The following ZEB1 variants were observed in gnomAD, a reference collection of about 807,000 sequenced individuals.
The protein encoded by ZEB1 is zinc finger E-box-binding homeobox 1.
A neutral mutation model predicts 84.9 loss-of-function variants in ZEB1; 21 were observed. That is an observed-to-expected ratio of 0.25 (90% CI 0.18 to 0.36). The LOEUF is 0.36. Among genes scored for constraint, ZEB1 ranks in the 10% least tolerant of loss-of-function variants. ZEB1 has a pLI of 1.00. For missense variants in ZEB1, 1,104 were observed against 1,330.2 expected, an observed-to-expected ratio of 0.83 and a Z score of 2.65; for synonymous variants, 420 against 471.1, an observed-to-expected ratio of 0.89 and a Z score of 1.41.
At position 31,341,262 on chromosome 10, in the gene ZEB1, CACTT is replaced by C. The variant is rs575884734; in HGVS notation, c.58+21972_58+21975del. 3.5e-3 allele frequency among the ~76,000 whole-genome samples: 533 copies of C among 152,142 alleles called. 3 individuals carry two copies. Among genetic ancestry groups the C allele is most frequent in the African/African-American group, 0.012 (504 of 41,486 alleles). On this transcript the variant is annotated intron_variant, in intron 1 of 8. Coordinates refer to ENST00000424869, the MANE Select transcript of ZEB1 (RefSeq NM_001174096.2). ...AAGAGGTGACGAGGGCTTAAACTGA[CACTT>C]AATAGAAATGGAGAAGAGGGAGTAG... is the stretch of plus-strand genomic sequence containing the variant.
chr10:31,321,747 C>T (rs2034136232), intron 1 of ZEB1: 2 of 636,460 alleles, frequency 3.1e-6, no homozygotes, highest in Admixed American at 5.5e-5. Context: ...ACTCGTAAGG[C>T]ATATCAACAG....
At chr10:31,382,049 C>A (rs1432211825) in intron 1 of ZEB1, among the ~76,000 whole-genome samples, 2 of 148,602 alleles carry the variant, frequency 1.3e-5, no homozygotes, top group African/African-American at 2.5e-5. Context: ...GTAAATTTCC[C>A]TTGAAGCCCG....
chr10:31,476,527 C>T (rs2064216627), intron 2 of ZEB1, among the ~76,000 whole-genome samples: 1 of 151,944 alleles, frequency 6.6e-6, no homozygotes, highest in Non-Finnish European at 1.5e-5. Context: ...ACAGTTTTGC[C>T]TTATCTACAA....
chr10:31,445,623 G>A (rs557114000), intron 1 of ZEB1, among the ~76,000 whole-genome samples: 1 of 151,974 alleles, frequency 6.6e-6, no homozygotes, highest in African/African-American at 2.4e-5. Flanking sequence ...TTTTTAGCAT[G>A]AAGTGTTGTT....
intron 1 of ZEB1, among the ~76,000 whole-genome samples, chr10:31,435,659 G>A (rs866025432): frequency 5.9e-5 from 9 of 152,200 alleles, no homozygotes; most frequent in Middle Eastern, 6.8e-3. Context: ...AGTAGAGAAG[G>A]CTTGCCATTT....
rs75715952 is a variant in ZEB1, at chr10:31,514,471, C to G, written c.688-132C>G. 5,173 of 725,344 alleles carry G rather than the reference C, an allele frequency of 7.1e-3. 185 individuals carry two copies. The African/African-American group carries it at 0.079, about 11-fold the overall frequency. 44.9% of individuals were successfully genotyped at this position (725,344 alleles called of 1,614,324 possible). ...AAGAGTTAGATTTTTGTGACTGCTG[C>G]AATTTGAGGTCTTTAAGAAACAAAA... On this transcript the variant is annotated intron_variant, in intron 5 of 8. Coordinates refer to ENST00000424869, the MANE Select transcript of ZEB1 (RefSeq NM_001174096.2).
chr10:31,423,670 G>A (rs947730197), intron 1 of ZEB1, among the ~76,000 whole-genome samples: 14 of 152,092 alleles, frequency 9.2e-5, no homozygotes, highest in East Asian at 3.9e-4. Context: ...ATCTATAAGC[G>A]GCTAGTTGTA....
intron 1 of ZEB1, among the ~76,000 whole-genome samples, chr10:31,454,228 C>G (rs1269136534): frequency 6.6e-6 from 1 of 152,162 alleles, no homozygotes; most frequent in Non-Finnish European, 1.5e-5. Flanking sequence ...GCTAGAAACT[C>G]TCCACGAGCT....
At chr10:31,401,329 C>A (rs576245561) in intron 1 of ZEB1, among the ~76,000 whole-genome samples, 1 of 152,128 alleles carries the variant, frequency 6.6e-6, no homozygotes, top group Non-Finnish European at 1.5e-5. Context: ...TTACCTTGAA[C>A]AAACCCTGAT....
At chr10:31,443,879 G>A (rs1176328526) in intron 1 of ZEB1, among the ~76,000 whole-genome samples, 3 of 151,462 alleles carry the variant, frequency 2.0e-5, no homozygotes, top group Admixed American at 2.0e-4. Context: ...ACATACGTGT[G>A]CATGTGTCTT....
chr10:31,399,161 A>G (rs928606953), intron 1 of ZEB1, among the ~76,000 whole-genome samples: 1 of 151,812 alleles, frequency 6.6e-6, no homozygotes, highest in Non-Finnish European at 1.5e-5. Context: ...CACCTGGCTA[A>G]TTTTTGTAAT....
chr10:31,427,184 T>G (rs1478093549), intron 1 of ZEB1, among the ~76,000 whole-genome samples: 2 of 152,210 alleles, frequency 1.3e-5, no homozygotes, highest in East Asian at 3.9e-4. Context: ...GTGCTAGCAT[T>G]TACTACAGCA....
At chr10:31,379,575 CAG>C (rs1311391431) in intron 1 of ZEB1, among the ~76,000 whole-genome samples, 1 of 151,978 alleles carries the variant, frequency 6.6e-6, no homozygotes, top group Non-Finnish European at 1.5e-5. Context: ...CAGTCACACA[CAG>C]GGCAGTCTGC....
chr10:31,472,259 T>C (rs2063373006), intron 2 of ZEB1, among the ~76,000 whole-genome samples: 1 of 151,782 alleles, frequency 6.6e-6, no homozygotes, highest in Non-Finnish European at 1.5e-5. Flanking sequence ...TTCAAAAAAT[T>C]AATTAATCCC....
chr10:31,320,141 A>G (rs2033478907), intron 1 of ZEB1: 1 of 150,566 alleles, frequency 6.6e-6, no homozygotes, highest in African/African-American at 2.5e-5. Context: ...CTCCGCGGCG[A>G]GCCCCGCGAG....
At chr10:31,339,085 A>G (rs1397155447) in intron 1 of ZEB1, among the ~76,000 whole-genome samples, 1 of 152,182 alleles carries the variant, frequency 6.6e-6, no homozygotes, top group Non-Finnish European at 1.5e-5. Flanking sequence ...CTTTAGAGTA[A>G]TAGTTCTTTA....
chr10:31,362,462 C>G (rs540857752), intron 1 of ZEB1, among the ~76,000 whole-genome samples: 1 of 151,558 alleles, frequency 6.6e-6, no homozygotes, highest in African/African-American at 2.4e-5. Context: ...TGGGCAGAGG[C>G]GCTCCTCACT....
chr10:31,461,856 T>C (rs2061856381), intron 2 of ZEB1, among the ~76,000 whole-genome samples: 1 of 152,310 alleles, frequency 6.6e-6, no homozygotes, highest in Admixed American at 6.5e-5. Context: ...TCTTTTATTC[T>C]AGCTCTAAAA....
rs182883017 is a variant in ZEB1 at position 31,362,190 on chromosome 10, C to T, written c.58+42898C>T. Among the ~76,000 whole-genome samples the T allele has an allele frequency of 2.2e-3, 334 of 151,264 alleles. 1 individual carries two copies. Among genetic ancestry groups the T allele is most frequent in the African/African-American group, 7.9e-3 (325 of 41,108 alleles). ...GCTGGGCAGAGGCGCTTCTCACTTC[C>T]CATACTGTGAGGCAGCTGGGCAGAG... On this transcript the variant is annotated intron_variant, in intron 1 of 8. Coordinates refer to ENST00000424869, the MANE Select transcript of ZEB1 (RefSeq NM_001174096.2).
Sources: allele counts gnomAD v4.1 joint callset (sites outside exome capture counted in the v4.1 genomes callset), GRCh38; gene constraint gnomAD v4.1.1; transcripts MANE v1.5; gene names NCBI Gene and HGNC (gene_info 2026-07-23, HGNC 2026-07-21).